The following FBN3 variants were observed in gnomAD, a reference collection of about 807,000 sequenced individuals.
FBN3 encodes the protein fibrillin-3.
FBN3 carries 234 observed loss-of-function variants against 330.1 expected under a neutral mutation model. That is an observed-to-expected ratio of 0.71 (90% CI 0.64 to 0.79). FBN3 has a LOEUF of 0.79. Among genes scored for constraint, FBN3 ranks in the 30% least tolerant of loss-of-function variants. The pLI is 0.00. For synonymous variants in FBN3, 1,458 were observed against 1,517.3 expected, an observed-to-expected ratio of 0.96 and a Z score of 0.91; for missense variants, 3,606 against 3,886.9, an observed-to-expected ratio of 0.93 and a Z score of 1.92.
intron 6 of FBN3, among the ~76,000 whole-genome samples, chr19:8,143,745 G>A (rs2083467964): frequency 6.6e-6 from 1 of 150,718 alleles, no homozygotes. Flanking sequence ...TGCCCGCCTC[G>A]GCCTCCCAAA....
At chr19:8,103,961 C>A (rs533600928) in intron 38 of FBN3, among the ~76,000 whole-genome samples, 1 of 151,494 alleles carries the variant, frequency 6.6e-6, no homozygotes, top group Admixed American at 6.6e-5. Context: ...CATAGCAAGA[C>A]CCCATCTCTA....
At chr19:8,143,056 C>T (rs1357670010) in intron 6 of FBN3, among the ~76,000 whole-genome samples, 1 of 152,124 alleles carries the variant, frequency 6.6e-6, no homozygotes, top group Non-Finnish European at 1.5e-5. Flanking sequence ...GATGCCTCTG[C>T]ATCTGAAAAT....
At chr19:8,073,353 T>C in intron 61 of FBN3, 56 bp from the exon 62 acceptor site, 1 of 1,417,330 alleles carries the variant, frequency 7.1e-7, no homozygotes, top group Non-Finnish European at 9.8e-7. Context: ...AGTGCAGCCT[T>C]CACACCCCCA....
intron 8 of FBN3, among the ~76,000 whole-genome samples, chr19:8,139,304 G>A (rs1304315987): frequency 2.0e-5 from 3 of 152,152 alleles, no homozygotes; most frequent in African/African-American, 7.2e-5. Flanking sequence ...CCAAGATTGT[G>A]CCACTGCACT....
chr19:8,116,708 G>A lies in FBN3; in HGVS notation c.3678C>T (p.Gly1226=), dbSNP rs1568418424. 6.2e-7 allele frequency: 1 copy of A among 1,613,566 alleles called. No individual in the cohort carries two copies. Among genetic ancestry groups the A allele is most frequent in the East Asian group, 2.2e-5 (1 of 44,858 alleles). Residue 1226 remains glycine (G), a synonymous_variant, in exon 29 of 64, where the codon GGC becomes GGT. Transcript: ENST00000600128. ...PGGHRCLCYD[G]FMATPDMRTC... The stretch of plus-strand genomic sequence containing the variant: ...TCCTCATGTCTGGCGTGGCCATGAA[G>A]CCATCATAGCACAGGCAGCGGTGAC...
Position 8,106,094 on chromosome 19 carries a change from G to C in FBN3, c.4813+14C>G. On this transcript the variant is annotated intron_variant, in intron 38 of 63. Coordinates refer to ENST00000600128, the MANE Select transcript of FBN3 (RefSeq NM_032447.5). ...GGAAGAGCCTGACCCACCCCAAAGAGAATCCATGCTCACCCTCACAGATGC... is the reference window on the plus strand; with the variant it reads ...GGAAGAGCCTGACCCACCCCAAAGACAATCCATGCTCACCCTCACAGATGC... The C allele has an allele frequency of 1.9e-6, 3 of 1,613,966 alleles. No individual in the cohort carries two copies. The highest frequency in any genetic ancestry group is 2.2e-5 in the South Asian group (2 of 91,060).
chr19:8,145,621 C>T (rs1479593693), intron 5 of FBN3, among the ~76,000 whole-genome samples: 1 of 143,112 alleles, frequency 7.0e-6, no homozygotes, highest in African/African-American at 2.6e-5. Context: ...GCGGAGCTTG[C>T]AGTAAGCCGA....
At position 8,121,760 on chromosome 19, in the gene FBN3, C is replaced by T. The variant is rs4536568; in HGVS notation, c.3083-374G>A. Among the ~76,000 whole-genome samples the T allele has an allele frequency of 0.67, 100,965 of 151,458 alleles. 34,885 individuals are homozygous for T. The highest frequency in any genetic ancestry group is 0.85 in the African/African-American group (34,950 of 41,330). ...TTTTTATTACTTATTTATTTATTTA[C>T]TTTTTTAGAGACAGAGTCTTGCTCT... On this transcript the variant is annotated intron_variant, in intron 24 of 63. Coordinates refer to ENST00000600128, the MANE Select transcript of FBN3 (RefSeq NM_032447.5). The surrounding 1 kb of genome is among the most constrained non-coding windows in gnomAD (Gnocchi z 4.5).
At position 8,131,213 on chromosome 19, in the gene FBN3, G is replaced by T; in HGVS notation, c.2044+22C>A. On this transcript the variant is annotated intron_variant, in intron 16 of 63. Coordinates refer to ENST00000600128, the MANE Select transcript of FBN3 (RefSeq NM_032447.5). The surrounding 1 kb of genome is among the most constrained non-coding windows in gnomAD (Gnocchi z 4.5). ...GGTAGGGGCAGGCTGGCTGCTGTTTGGAGGGGCTGGGCTCCACTTACCTCG... is the reference window on the plus strand; with the variant it reads ...GGTAGGGGCAGGCTGGCTGCTGTTTTGAGGGGCTGGGCTCCACTTACCTCG... The T allele has an allele frequency of 1.2e-6, 2 of 1,601,700 alleles. No homozygotes were observed. Among genetic ancestry groups the T allele is most frequent in the Non-Finnish European group, 1.7e-6 (2 of 1,175,484 alleles).
intron 13 of FBN3, among the ~76,000 whole-genome samples, chr19:8,134,006 C>T (rs1418717893): frequency 6.7e-6 from 1 of 150,168 alleles, no homozygotes; most frequent in Non-Finnish European, 1.5e-5. Context: ...ATGGGCAGAT[C>T]ACGAGGTCAG....
chr19:8,089,855 GC>G, intron 50 of FBN3, 38 bp downstream of exon 50: 1 of 1,561,996 alleles, frequency 6.4e-7, no homozygotes, highest in Non-Finnish European at 8.7e-7. Context: ...GATCTGGGTG[GC>G]CCAGAAGGGG....
intron 4 of FBN3, 65 bp from the exon 5 acceptor site, chr19:8,146,003 G>A: frequency 6.7e-7 from 1 of 1,499,846 alleles, no homozygotes; most frequent in Non-Finnish European, 9.1e-7. Context: ...CTCCTAGGAA[G>A]GCTGCAGGAC....
At chr19:8,144,126 G>C (rs934086054) in intron 6 of FBN3, among the ~76,000 whole-genome samples, 4 of 151,978 alleles carry the variant, frequency 2.6e-5, no homozygotes, top group African/African-American at 9.7e-5. Context: ...TCATTTTTAA[G>C]AGTTAGGGTG....
chr19:8,092,816 C>T (rs1159921932), intron 47 of FBN3, among the ~76,000 whole-genome samples: 1 of 150,684 alleles, frequency 6.6e-6, no homozygotes, highest in Non-Finnish European at 1.5e-5. Flanking sequence ...AATGGAAAAC[C>T]AAATATCGTA....
At chr19:8,135,936 G>GGGGGGGGGGGGGGGGGGGCCCC in intron 13 of FBN3, 25 bp downstream of exon 13, 11 of 668,766 alleles carry the variant, frequency 1.6e-5, no homozygotes, top group Non-Finnish European at 2.6e-5. Flanking sequence ...GGAAGCCCCT[G>GGGGGGGGGGGGGGGGGGGCCCC]CCCACCCGCC....
At chr19:8,102,638 T>C (rs2082351161) in intron 40 of FBN3, 86 bp downstream of exon 40, 2 of 1,359,916 alleles carry the variant, frequency 1.5e-6, no homozygotes, top group African/African-American at 1.4e-5. Context: ...GGAGGATTAA[T>C]CTAAGAACCC....
chr19:8,096,062 C>G lies in FBN3; in HGVS notation c.5558G>C (p.Arg1853Pro), dbSNP rs770720896. Reference sequence around the variant, plus strand: ...GCAGGTCCCATTTCCACAAGGCTGCCGGTCACACTCGTCAATGTCTGCAGA... The same window carrying G: ...GCAGGTCCCATTTCCACAAGGCTGCGGGTCACACTCGTCAATGTCTGCAGA... The part of the protein sequence containing the change: ...TLCMDIDECD[R>P]QPCGNGTCKN... Residue 1853 changes from arginine (R) to proline (P), a missense_variant, in exon 45 of 64, where the codon CGG becomes CCG. Physicochemically the swap from Arg to Pro is moderately radical, Grantham distance 103 (BLOSUM62 -2). Transcript: ENST00000600128. This position sits in a 1 kb window ranked among gnomAD's most constrained non-coding sequence, Gnocchi z 4.6. 37 of 1,613,686 alleles carry G rather than the reference C, an allele frequency of 2.3e-5. No individual in the cohort carries two copies. In the South Asian group the frequency reaches 3.6e-4, roughly 16 times the overall value.
At chr19:8,119,813 CTTTTTTTTTTTTTT>C (rs869084219) in intron 25 of FBN3, among the ~76,000 whole-genome samples, 1 of 48,782 alleles carries the variant, frequency 2.0e-5, no homozygotes, top group African/African-American at 9.4e-5. Context: ...CGAGCCCAGC[CTTTTTTTTTTTTTT>C]TTTTTTTTTT....
chr19:8,126,850 C>A lies in FBN3; in HGVS notation c.2297-18G>T, dbSNP rs757459951. The A allele has an allele frequency of 2.5e-5, 39 of 1,533,014 alleles. 1 individual carries two copies. In the Middle Eastern group the frequency reaches 1.6e-3, roughly 63 times the overall value. The allele number at this position is 1,533,014 out of a possible 1,614,324, so 95.0% of individuals were successfully genotyped here. Reference sequence around the variant, plus strand: ...GTCGACATCTGTGGGGACAGCCCCCCACCAGGTCCTGAGCTGCAGGAGGAG... The same window carrying A: ...GTCGACATCTGTGGGGACAGCCCCCAACCAGGTCCTGAGCTGCAGGAGGAG... On this transcript the variant is annotated intron_variant, in intron 18 of 63. Transcript: ENST00000600128.
Sources: allele counts gnomAD v4.1 joint callset (sites outside exome capture counted in the v4.1 genomes callset), GRCh38; gene constraint gnomAD v4.1.1; non-coding constraint Gnocchi (gnomAD v3.1); transcripts MANE v1.5; gene names NCBI Gene and HGNC (gene_info 2026-07-23, HGNC 2026-07-21).